Variants in HTT observed in about 807,000 individuals in gnomAD.
HTT encodes huntingtin, also known as huntington disease protein.
In HTT, 104 loss-of-function variants were observed where a neutral mutation model predicts 362.3. The ratio of observed to expected loss-of-function variants is 0.29; its 90% CI spans 0.24 to 0.34. The LOEUF (loss-of-function observed/expected upper bound fraction) is 0.34. HTT is among the 10% of genes least tolerant of loss of function. The probability of loss-of-function intolerance (pLI) is 1.00; values close to 1 mark genes in which losing one functional copy is unlikely to be tolerated. For missense variants in HTT, 3,301 were observed against 3,928.6 expected, an observed-to-expected ratio of 0.84 and a Z score of 4.27; for synonymous variants, 1,577 against 1,548.7, an observed-to-expected ratio of 1.02 and a Z score of -0.43.
At chr4:3,078,472 A>G (rs4498089) in intron 1 of HTT, among the ~76,000 whole-genome samples, 49,759 of 152,252 alleles carry the variant, frequency 0.33, 8,802 homozygotes, top group East Asian at 0.42. Flanking sequence ...TTATTTTTAA[A>G]AAAATTGTTA....
In HTT at chr4:3,228,504, G is replaced by T. The variant is rs1259524029; in HGVS notation, c.7849-111G>T. ...GGGGTGTCTGAACGACCCTTGCTAA[G>T]GGGCAGACTGTTAGACGGTAGGCAT... is the stretch of plus-strand genomic sequence containing the variant. On this transcript the variant is annotated intron_variant, in intron 57 of 66. Coordinates refer to ENST00000355072, the MANE Select transcript of HTT (RefSeq NM_001388492.1). This position sits in a 1 kb window ranked among gnomAD's most constrained non-coding sequence, Gnocchi z 4.3. 7.8e-7 allele frequency: 1 copy of T among 1,277,162 alleles called. No homozygotes were observed. Among genetic ancestry groups the T allele is most frequent in the Non-Finnish European group, 1.1e-6 (1 of 943,968 alleles). 79.1% of individuals were successfully genotyped at this position (1,277,162 alleles called of 1,614,324 possible).
intron 46 of HTT, 126 bp downstream of exon 46, chr4:3,209,037 G>T (rs1720008592): frequency 9.4e-7 from 1 of 1,060,976 alleles, no homozygotes; most frequent in Non-Finnish European, 1.3e-6. Context: ...GCTCGGCTCA[G>T]TGAAGCTGTG....
Position 3,240,257 on chromosome 4 carries a change from C to T in HTT, c.*198C>T. The T allele has an allele frequency of 1.6e-6, 1 of 606,244 alleles. No homozygotes were observed. The highest frequency in any genetic ancestry group is 2.0e-5 in the South Asian group (1 of 50,976). 37.6% of individuals were successfully genotyped at this position (606,244 alleles called of 1,614,324 possible). On this transcript the variant is annotated 3_prime_UTR_variant, in exon 67 of 67. Coordinates refer to ENST00000355072, the MANE Select transcript of HTT (RefSeq NM_001388492.1). ...GCAGTGGCCAGGCAGGGAGTGTCTG[C>T]AGTCCTGGTGGGGCTGAGCCTGAGG...
chr4:3,098,958 T>TA (rs1284622651), intron 2 of HTT, among the ~76,000 whole-genome samples: 17 of 152,204 alleles, frequency 1.1e-4, no homozygotes, highest in Admixed American at 1.1e-3. Context: ...TCTTCTTTTT[T>TA]AAAAAATAAA....
chr4:3,239,482 C>G (rs892084969), intron 66 of HTT, among the ~76,000 whole-genome samples: 1 of 152,258 alleles, frequency 6.6e-6, no homozygotes, highest in African/African-American at 2.4e-5. Context: ...GCACAGTTGT[C>G]CTGGTGCTGA....
rs143662198 is a variant in HTT at position 3,197,826 on chromosome 4, A to G, written c.5369-1906A>G. 6.6e-3 allele frequency among the ~76,000 whole-genome samples: 1,001 copies of G among 152,126 alleles called. 2 individuals are homozygous for G. The highest frequency in any genetic ancestry group is 0.014 in the Middle Eastern group (4 of 294). On this transcript the variant is annotated intron_variant, in intron 40 of 66. Transcript: ENST00000355072. Reference sequence around the variant, plus strand: ...ACAGCTTGGATTGTGGGTTTCTATTACCTGTTCAAAACCCCTACATCCCGG... The same window carrying G: ...ACAGCTTGGATTGTGGGTTTCTATTGCCTGTTCAAAACCCCTACATCCCGG...
At chr4:3,096,245 A>G (rs925007503) in intron 2 of HTT, among the ~76,000 whole-genome samples, 1 of 152,226 alleles carries the variant, frequency 6.6e-6, no homozygotes, top group African/African-American at 2.4e-5. Context: ...GCCTGACAGA[A>G]CTACAAGTAG....
chr4:3,111,392 C>A (rs1195706639), intron 6 of HTT, among the ~76,000 whole-genome samples: 1 of 152,112 alleles, frequency 6.6e-6, no homozygotes, highest in Non-Finnish European at 1.5e-5. Context: ...CAGAGTTTCA[C>A]CATGTTGGCC....
chr4:3,142,227 G>A (rs1716383437), intron 22 of HTT, among the ~76,000 whole-genome samples: 1 of 152,156 alleles, frequency 6.6e-6, no homozygotes, highest in African/African-American at 2.4e-5. Flanking sequence ...CCTTAGTTTT[G>A]TTGAGTGTCT....
rs1721051540 is a variant in HTT at position 3,228,811 on chromosome 4, T to A, written c.7979+66T>A. On this transcript the variant is annotated intron_variant, in intron 58 of 66. Coordinates refer to ENST00000355072, the MANE Select transcript of HTT (RefSeq NM_001388492.1). This position sits in a 1 kb window ranked among gnomAD's most constrained non-coding sequence, Gnocchi z 4.3. ...TTTCTTATCAGTCATTTGATTTGTT[T>A]GAGGTGCTTCTTGAAATGAGCCTCT... is the stretch of plus-strand genomic sequence containing the variant. 1 of 1,580,836 alleles carries A rather than the reference T, an allele frequency of 6.3e-7. No individual in the cohort carries two copies. The highest frequency in any genetic ancestry group is 8.6e-7 in the Non-Finnish European group (1 of 1,157,194).
chr4:3,180,544 G>T lies in HTT; in HGVS notation c.4642G>T (p.Asp1548Tyr). The T allele has an allele frequency of 1.9e-6, 3 of 1,611,880 alleles. No individual in the cohort carries two copies. Among genetic ancestry groups the T allele is most frequent in the Non-Finnish European group, 2.5e-6 (3 of 1,179,090 alleles). The change falls in exon 36 of 67, where the codon GAC (aspartate) becomes TAC (tyrosine). Residue 1548 changes from aspartate (D) to tyrosine (Y), a missense_variant. Asp to Tyr is a radical substitution (Grantham distance 160). This residue lies in a region of HTT where 2,316 missense variants were observed against 2,658.5 expected (regional missense o/e 0.87). Coordinates refer to ENST00000355072, the MANE Select transcript of HTT (RefSeq NM_001388492.1). ...AIPALQPIVH[D>Y]LFVLRGTNKA... ...ACCGGCTCTGCAGCCCATAGTCCAC[G>T]ACCTCTTTGTATTAAGAGGAACAAA...
chr4:3,096,151 A>T (rs1243488339), intron 2 of HTT, among the ~76,000 whole-genome samples: 1 of 152,244 alleles, frequency 6.6e-6, no homozygotes, highest in Non-Finnish European at 1.5e-5. Context: ...TTTCATAATG[A>T]TGAAGGGGAT....
intron 46 of HTT, among the ~76,000 whole-genome samples, chr4:3,209,333 GGAGCCTTGGTA>G (rs931213697): frequency 1.4e-3 from 208 of 152,292 alleles, no homozygotes; most frequent in Admixed American, 2.4e-3. Context: ...GGGACCACCT[GGAGCCTTGGTA>G]GAGCCTTGGT....
At chr4:3,237,045 T>G (rs1406218314) in intron 64 of HTT, among the ~76,000 whole-genome samples, 1 of 152,196 alleles carries the variant, frequency 6.6e-6, no homozygotes, top group Non-Finnish European at 1.5e-5. Context: ...CAGCCAAGCC[T>G]GTGCTGGTCT....
In HTT at chr4:3,238,842, G is replaced by C; in HGVS notation, c.9079G>C (p.Gly3027Arg). The C allele has an allele frequency of 1.3e-6, 2 of 1,599,174 alleles. No homozygotes were observed. Among genetic ancestry groups the C allele is most frequent in the Non-Finnish European group, 1.7e-6 (2 of 1,172,488 alleles). ...GGTGTTTCAGACTCTGCACAGCACC[G>C]GGCAGTCGTCCATGGTCCGGGACTG... Reference protein sequence around the residue: ...YKVFQTLHSTGQSSMVRDWVM... With the variant: ...YKVFQTLHSTRQSSMVRDWVM... Residue 3027 changes from glycine (G) to arginine (R), a missense_variant, in exon 66 of 67, where the codon GGG becomes CGG. Physicochemically the swap from Gly to Arg is moderately radical, Grantham distance 125 (BLOSUM62 -2). Transcript: ENST00000355072.
chr4:3,161,805 G>T (rs1717462737), intron 29 of HTT, among the ~76,000 whole-genome samples: 1 of 152,026 alleles, frequency 6.6e-6, no homozygotes, highest in African/African-American at 2.4e-5. Context: ...TAAGTTCTTT[G>T]TAGATTCTGG....
chr4:3,132,211 G>C, intron 16 of HTT, among the ~76,000 whole-genome samples: 1 of 152,082 alleles, frequency 6.6e-6, no homozygotes, highest in East Asian at 1.9e-4. Context: ...TGGGTGAGAG[G>C]GTACACTTGT....
At chr4:3,118,698 C>T (rs1047532921) in intron 8 of HTT, among the ~76,000 whole-genome samples, 3 of 152,062 alleles carry the variant, frequency 2.0e-5, no homozygotes, top group African/African-American at 7.2e-5. Context: ...TGCAGTAATC[C>T]TGGAAGGACA....
intron 10 of HTT, among the ~76,000 whole-genome samples, chr4:3,124,543 T>C (rs1715434319): frequency 1.3e-5 from 2 of 152,218 alleles, no homozygotes; most frequent in South Asian, 4.1e-4. Flanking sequence ...GCCTAGCTCT[T>C]GTGCCTTTGA....
Sources: gnomAD v4.1 joint callset for allele counts (sites outside exome capture counted in the v4.1 genomes callset) on GRCh38, gnomAD v4.1.1 for gene constraint, gnomAD v4.1.1 regional missense constraint, Gnocchi (gnomAD v3.1) non-coding constraint, MANE v1.5 for transcripts, NCBI Gene and HGNC (gene_info 2026-07-23, HGNC 2026-07-21) for gene names.